MTREX: variants seen among roughly 807,000 people sequenced by gnomAD.
The protein encoded by MTREX is exosome RNA helicase MTR4.
A neutral mutation model predicts 135.4 loss-of-function variants in MTREX; 76 were observed. The observed-to-expected ratio is 0.56, with a 90% CI of 0.47 to 0.68. The LOEUF is 0.68. MTREX is among the 30% of genes least tolerant of loss of function. The probability of loss-of-function intolerance (pLI) is 0.00; values close to 1 mark genes in which losing one functional copy is unlikely to be tolerated. For missense variants in MTREX, 920 were observed against 1,262.1 expected (o/e 0.73, Z 4.11); for synonymous variants, 404 against 401.6 (o/e 1.01, Z -0.07).
chr5:55,345,715 G>A (rs1254349858), intron 10 of MTREX, among the ~76,000 whole-genome samples: 1 of 137,748 alleles, frequency 7.3e-6, no homozygotes, highest in Non-Finnish European at 1.5e-5. Context: ...CACCCAGGCT[G>A]GAGTACACTG....
rs757255496 is a variant in MTREX, at chr5:55,308,018, C to T, written c.5C>T (p.Ala2Val). The change falls in exon 1 of 27, where the codon GCG becomes GTG. Residue 2 changes from alanine to valine, a missense_variant. Physicochemically the swap from Ala to Val is moderately conservative, Grantham distance 64. This residue lies in a region of MTREX where 136 missense variants were observed against 126.7 expected (regional missense o/e 1.07). Coordinates refer to ENST00000230640, the MANE Select transcript of MTREX (RefSeq NM_015360.5). ...TTGCTCTCACTGCTCCCAAAAATGG[C>T]GGACGCATTCGGAGATGAGCTGTTC... M[A>V]DAFGDELFSV... 3.1e-6 allele frequency: 5 copies of T among 1,614,032 alleles called. No homozygotes were observed. Among genetic ancestry groups the T allele is most frequent in the Admixed American group, 1.7e-5 (1 of 60,008 alleles).
chr5:55,328,020 A>G (rs1749411365), intron 4 of MTREX, among the ~76,000 whole-genome samples: 1 of 152,312 alleles, frequency 6.6e-6, no homozygotes, highest in East Asian at 1.9e-4. Context: ...AAAGAATGTA[A>G]TGAAAGTTAT....
Position 55,347,089 on chromosome 5 carries a change from T to G in MTREX, c.1185T>G (p.Ser395Arg). 6.2e-7 allele frequency: 1 copy of G among 1,609,658 alleles called. No homozygotes were observed. Among genetic ancestry groups the G allele is most frequent in the African/African-American group, 1.3e-5 (1 of 74,926 alleles). Reference sequence around the variant, plus strand: ...AACCTGTGATTATTTTCAGTTTTAGTAAGAAAGATTGTGAAGCCTATGCAC... The same window carrying G: ...AACCTGTGATTATTTTCAGTTTTAGGAAGAAAGATTGTGAAGCCTATGCAC... Reference protein sequence around the residue: ...NFQPVIIFSFSKKDCEAYALQ... With the variant: ...NFQPVIIFSFRKKDCEAYALQ... The change falls in exon 11 of 27, where the codon AGT (serine) becomes AGG (arginine). Residue 395 changes from serine to arginine, a missense_variant. Ser to Arg is a moderately radical substitution (Grantham distance 110). Around this residue, in one of 6 missense-constraint regions of MTREX, gnomAD observed 101 missense variants for 119.1 expected, o/e 0.85. Coordinates refer to ENST00000230640, the MANE Select transcript of MTREX (RefSeq NM_015360.5).
At chr5:55,338,361 T>G (rs1034557392) in intron 5 of MTREX, among the ~76,000 whole-genome samples, 1 of 152,166 alleles carries the variant, frequency 6.6e-6, no homozygotes, top group Non-Finnish European at 1.5e-5. Flanking sequence ...TTGTTTCTGA[T>G]GAGAAGTCAG....
chr5:55,335,600 T>C (rs1475424335), intron 5 of MTREX, among the ~76,000 whole-genome samples: 1 of 152,108 alleles, frequency 6.6e-6, no homozygotes. Context: ...TACTCGTAAA[T>C]TGTGTAGGAT....
intron 18 of MTREX, among the ~76,000 whole-genome samples, chr5:55,384,104 TC>T (rs1750440992): frequency 6.6e-6 from 1 of 152,226 alleles, no homozygotes; most frequent in Non-Finnish European, 1.5e-5. Context: ...TACTTCTTTT[TC>T]TAAACCTCTC....
At chr5:55,349,047 A>G (rs1236305646) in intron 11 of MTREX, among the ~76,000 whole-genome samples, 1 of 152,056 alleles carries the variant, frequency 6.6e-6, no homozygotes, top group Non-Finnish European at 1.5e-5. Context: ...TTTTTGTAAG[A>G]TAGTACTTTT....
intron 1 of MTREX, among the ~76,000 whole-genome samples, chr5:55,314,773 A>G (rs1488733680): frequency 6.6e-6 from 1 of 152,216 alleles, no homozygotes; most frequent in African/African-American, 2.4e-5. Context: ...CAGTTTTTCC[A>G]CAGACCAGCA....
Position 55,425,264 on chromosome 5 carries a change from G to A in MTREX, c.*492G>A. The A allele has an allele frequency of 6.2e-7, 1 of 1,613,292 alleles. No individual in the cohort carries two copies. The highest frequency in any genetic ancestry group is 8.5e-7 in the Non-Finnish European group (1 of 1,179,378). On this transcript the variant is annotated 3_prime_UTR_variant, in exon 27 of 27. Transcript: ENST00000230640. ...AGTTGTTGGTGTTTCATGCAGAGTTGTATGAGAGTCCTCCTCTTTTCTTTC... is the reference window on the plus strand; with the variant it reads ...AGTTGTTGGTGTTTCATGCAGAGTTATATGAGAGTCCTCCTCTTTTCTTTC...
At chr5:55,355,438 G>A (rs1252728974) in intron 14 of MTREX, among the ~76,000 whole-genome samples, 1 of 152,158 alleles carries the variant, frequency 6.6e-6, no homozygotes, top group East Asian at 1.9e-4. Flanking sequence ...CCCCTCCACT[G>A]TTAAGAAGGA....
intron 5 of MTREX, among the ~76,000 whole-genome samples, chr5:55,337,764 TG>T (rs1749576916): frequency 6.6e-6 from 1 of 151,496 alleles, no homozygotes; most frequent in South Asian, 2.1e-4. Flanking sequence ...TTGTTCGTTT[TG>T]GGGGTCTTTT....
intron 13 of MTREX, 94 bp downstream of exon 13, chr5:55,351,123 T>A (rs1052174837): frequency 5.9e-6 from 8 of 1,356,212 alleles, no homozygotes; most frequent in Non-Finnish European, 7.6e-6. Flanking sequence ...TATGTGTGTT[T>A]TTAACAAGGC....
chr5:55,319,456 T>C (rs1393737525), intron 1 of MTREX, among the ~76,000 whole-genome samples: 1 of 152,234 alleles, frequency 6.6e-6, no homozygotes, highest in Admixed American at 6.5e-5. Flanking sequence ...CCTCTGTAAT[T>C]ACAGGCTAGT....
chr5:55,393,516 T>C (rs1750602030), intron 19 of MTREX, among the ~76,000 whole-genome samples: 1 of 152,218 alleles, frequency 6.6e-6, no homozygotes, highest in South Asian at 2.1e-4. Context: ...ATAGTCTTGA[T>C]TTGAAGAAAT....
chr5:55,407,955 G>T (rs377514479), intron 22 of MTREX, among the ~76,000 whole-genome samples: 2 of 152,000 alleles, frequency 1.3e-5, no homozygotes, highest in Non-Finnish European at 2.9e-5. Flanking sequence ...ATAGGGTCTT[G>T]CTATGTTGCC....
rs1375858200 is a variant in MTREX at position 55,358,616 on chromosome 5, G to A, written c.1577G>A (p.Arg526Lys). The A allele has an allele frequency of 6.2e-7, 1 of 1,606,808 alleles. No individual in the cohort carries two copies. Reference protein sequence around the residue: ...EYIQMSGRAGRRGMDDRGIVI... With the variant: ...EYIQMSGRAGKRGMDDRGIVI... ...ATTCAGATGTCTGGTCGTGCTGGAA[G>A]GAGAGGAATGGATGATAGAGGAATT... is the stretch of plus-strand genomic sequence containing the variant. The change falls in exon 15 of 27, where the codon AGG becomes AAG. Residue 526 changes from arginine (R) to lysine (K), a missense_variant. Transcript: ENST00000230640.
chr5:55,323,316 A>C (rs1207090083), intron 2 of MTREX, among the ~76,000 whole-genome samples: 1 of 152,242 alleles, frequency 6.6e-6, no homozygotes, highest in Non-Finnish European at 1.5e-5. Flanking sequence ...GTAAGATAAT[A>C]ATCTAGCACA....
chr5:55,328,452 A>G (rs956629159), intron 4 of MTREX, among the ~76,000 whole-genome samples: 3 of 152,166 alleles, frequency 2.0e-5, no homozygotes, highest in Non-Finnish European at 4.4e-5. Context: ...TTTATTATTA[A>G]TATAATAGAC....
intron 5 of MTREX, among the ~76,000 whole-genome samples, chr5:55,332,795 C>T (rs1225267998): frequency 6.6e-6 from 1 of 152,180 alleles, no homozygotes; most frequent in Non-Finnish European, 1.5e-5. Context: ...TAAATTTCTA[C>T]ATACATTTCG....
Sources: gnomAD v4.1 joint callset for allele counts (sites outside exome capture counted in the v4.1 genomes callset) on GRCh38, gnomAD v4.1.1 for gene constraint, gnomAD v4.1.1 regional missense constraint, MANE v1.5 for transcripts, NCBI Gene and HGNC (gene_info 2026-07-23, HGNC 2026-07-21) for gene names.